The following PLCL1 variants were observed in gnomAD, a reference collection of about 807,000 sequenced individuals.
PLCL1 encodes inactive phospholipase C-like protein 1.
A neutral mutation model predicts 84.4 loss-of-function variants in PLCL1; 41 were observed. The ratio of observed to expected loss-of-function variants is 0.49; its 90% CI spans 0.38 to 0.63. The LOEUF (loss-of-function observed/expected upper bound fraction) is 0.63. Among genes scored for constraint, PLCL1 ranks in the 30% least tolerant of loss-of-function variants. The probability of loss-of-function intolerance (pLI) is 0.00; values close to 1 mark genes in which losing one functional copy is unlikely to be tolerated. For synonymous variants in PLCL1, 490 were observed against 488.3 expected (o/e 1.00, Z -0.05); for missense variants, 1,206 against 1,367.8 (o/e 0.88, Z 1.87).
chr2:197,966,845 A>ATTTTT (rs34706360), intron 1 of PLCL1, among the ~76,000 whole-genome samples: 8 of 100,268 alleles, frequency 8.0e-5, no homozygotes, highest in African/African-American at 3.3e-4. Context: ...ATCCATACTA[A>ATTTTT]TTTTTTTTTT....
chr2:197,894,717 A>T (rs1688099968), intron 1 of PLCL1, among the ~76,000 whole-genome samples: 2 of 152,022 alleles, frequency 1.3e-5, no homozygotes, highest in African/African-American at 4.8e-5. Context: ...GCAAAAACCT[A>T]TTCATGAGTG....
intron 1 of PLCL1, among the ~76,000 whole-genome samples, chr2:198,026,251 A>G (rs1176109245): frequency 6.6e-6 from 1 of 152,240 alleles, no homozygotes; most frequent in Non-Finnish European, 1.5e-5. Context: ...AAGATTTCTT[A>G]GAGCTTTTAG....
chr2:197,888,183 A>T (rs922550972), intron 1 of PLCL1, among the ~76,000 whole-genome samples: 2 of 151,800 alleles, frequency 1.3e-5, no homozygotes, highest in East Asian at 3.9e-4. Context: ...ATTAGCAATA[A>T]TTTTTTTTGT....
At chr2:198,059,623 G>C (rs55953475) in intron 1 of PLCL1, among the ~76,000 whole-genome samples, 5,896 of 152,200 alleles carry the variant, frequency 0.039, 373 homozygotes, top group African/African-American at 0.14. Context: ...AGAAAGCTGA[G>C]AGAGGATGGG....
chr2:197,863,018 G>A (rs1338976482), intron 1 of PLCL1, among the ~76,000 whole-genome samples: 1 of 152,146 alleles, frequency 6.6e-6, no homozygotes, highest in African/African-American at 2.4e-5. Flanking sequence ...CTGGAACGCA[G>A]TAGATGCTCA....
At chr2:197,966,948 T>C (rs1689755915) in intron 1 of PLCL1, among the ~76,000 whole-genome samples, 2 of 150,578 alleles carry the variant, frequency 1.3e-5, no homozygotes. Context: ...CCTCCTGGGT[T>C]CATGCCATTC....
intron 1 of PLCL1, among the ~76,000 whole-genome samples, chr2:197,879,176 C>G (rs1032747162): frequency 7.9e-5 from 12 of 152,126 alleles, no homozygotes; most frequent in African/African-American, 2.9e-4. Context: ...TTGAGATTGC[C>G]TTAGTCTTCT....
rs74890989 is a variant in PLCL1, at chr2:197,806,836, C to G, written c.240+1497C>G. On this transcript the variant is annotated intron_variant, in intron 1 of 5. Transcript: ENST00000428675. ...AAAATATATGACAATAAAGAGCAAA[C>G]GGCTCTATAATGTTGTAAAAAACAA... 6.3e-3 allele frequency among the ~76,000 whole-genome samples: 953 copies of G among 152,184 alleles called. 16 individuals carry two copies. Among genetic ancestry groups the G allele is most frequent in the African/African-American group, 0.021 (891 of 41,520 alleles).
chr2:198,023,008 G>C (rs972503865), intron 1 of PLCL1, among the ~76,000 whole-genome samples: 3 of 152,142 alleles, frequency 2.0e-5, no homozygotes, highest in Non-Finnish European at 4.4e-5. Flanking sequence ...ATACTGCAAG[G>C]CTACAGTAAT....
chr2:197,954,267 A>T (rs751080971), intron 1 of PLCL1, among the ~76,000 whole-genome samples: 1 of 152,130 alleles, frequency 6.6e-6, no homozygotes, highest in African/African-American at 2.4e-5. Context: ...TTTCATTTCA[A>T]CTTAAAAGCT....
intron 1 of PLCL1, among the ~76,000 whole-genome samples, chr2:197,889,643 T>C (rs1016655939): frequency 7.9e-5 from 12 of 152,200 alleles, no homozygotes; most frequent in Admixed American, 6.5e-4. Context: ...GCATAATATA[T>C]ATTTAAAGCA....
At chr2:198,039,369 G>C (rs1691610756) in intron 1 of PLCL1, among the ~76,000 whole-genome samples, 1 of 152,104 alleles carries the variant, frequency 6.6e-6, no homozygotes, top group Admixed American at 6.6e-5. Context: ...TTGATGTTAT[G>C]TTGAAATCTT....
intron 5 of PLCL1, among the ~76,000 whole-genome samples, chr2:198,135,225 G>T (rs1019529885): frequency 6.6e-6 from 1 of 151,914 alleles, no homozygotes; most frequent in Non-Finnish European, 1.5e-5. Context: ...CAGATCTCAG[G>T]GTCATTTATT....
intron 1 of PLCL1, among the ~76,000 whole-genome samples, chr2:198,046,836 C>A (rs1181382408): frequency 6.6e-6 from 1 of 152,148 alleles, no homozygotes; most frequent in Admixed American, 6.5e-5. Context: ...GAGACCTTTT[C>A]TTTAAAAAAC....
chr2:197,994,428 A>G (rs1386922103), intron 1 of PLCL1, among the ~76,000 whole-genome samples: 1 of 152,166 alleles, frequency 6.6e-6, no homozygotes, highest in Non-Finnish European at 1.5e-5. Flanking sequence ...ATATTTTGGT[A>G]AATATAAACA....
At chr2:197,945,495 A>G (rs766053357) in intron 1 of PLCL1, among the ~76,000 whole-genome samples, 1 of 152,174 alleles carries the variant, frequency 6.6e-6, no homozygotes, top group Non-Finnish European at 1.5e-5. Context: ...TAATAGCACA[A>G]ACAACCAATT....
In PLCL1 at chr2:197,835,335, T is replaced by A. The variant is rs190437919; in HGVS notation, c.240+29996T>A. On this transcript the variant is annotated intron_variant, in intron 1 of 5. Coordinates refer to ENST00000428675, the MANE Select transcript of PLCL1 (RefSeq NM_006226.4). ...TTAAAATGTGCATAACAGAAATTTT[T>A]ACCATTTTAACCATTTTTAAGTAGA... is the stretch of plus-strand genomic sequence containing the variant. Among the ~76,000 whole-genome samples the A allele has an allele frequency of 3.3e-5, 5 of 152,316 alleles. No homozygotes were observed. In the East Asian group the frequency reaches 9.6e-4, roughly 29 times the overall value.
rs1687318116 is a variant in PLCL1, at chr2:197,855,656, T to C, written c.240+50317T>C. Reference sequence around the variant, plus strand: ...TTCCAAGAGCCTAGTTACTTACACCTCTAGCTAACTTTACTCCTTGCCTAA... The same window carrying C: ...TTCCAAGAGCCTAGTTACTTACACCCCTAGCTAACTTTACTCCTTGCCTAA... On this transcript the variant is annotated intron_variant, in intron 1 of 5. Transcript: ENST00000428675. Among the ~76,000 whole-genome samples, 5 of 152,096 alleles carry C rather than the reference T, an allele frequency of 3.3e-5. No individual in the cohort carries two copies. The South Asian group carries it at 1.0e-3, about 32-fold the overall frequency.
chr2:198,042,581 A>T (rs1157611752), intron 1 of PLCL1, among the ~76,000 whole-genome samples: 2 of 152,322 alleles, frequency 1.3e-5, no homozygotes, highest in East Asian at 3.9e-4. Context: ...AAGAAGCCAG[A>T]TAACCTCAAA....
Sources: gnomAD v4.1 joint callset for allele counts (sites outside exome capture counted in the v4.1 genomes callset) on GRCh38, gnomAD v4.1.1 for gene constraint, MANE v1.5 for transcripts, NCBI Gene and HGNC (gene_info 2026-07-23, HGNC 2026-07-21) for gene names.